CCDC148: variants seen among roughly 807,000 people sequenced by gnomAD.
CCDC148 encodes the protein coiled-coil domain-containing protein 148.
CCDC148 carries 89 observed loss-of-function variants against 85.7 expected under a neutral mutation model. The ratio of observed to expected loss-of-function variants is 1.04; its 90% CI spans 0.87 to 1.24. The LOEUF (loss-of-function observed/expected upper bound fraction) is 1.24. CCDC148 is among the 50% of genes most tolerant of loss of function. The pLI is 0.00. For missense variants in CCDC148, 692 were observed against 671.7 expected, an observed-to-expected ratio of 1.03 and a Z score of -0.33; for synonymous variants, 230 against 213.9, an observed-to-expected ratio of 1.08 and a Z score of -0.66.
chr2:158,207,334 AT>A (rs1353881841), intron 11 of CCDC148: 1 of 152,182 alleles, frequency 6.6e-6, no homozygotes, highest in East Asian at 1.9e-4. Flanking sequence ...ATAAGAAGTG[AT>A]TTTGCTCTGA....
intron 1 of CCDC148, among the ~76,000 whole-genome samples, chr2:158,391,088 T>C (rs920366737): frequency 1.3e-5 from 2 of 152,196 alleles, no homozygotes; most frequent in Admixed American, 1.3e-4. Context: ...TATTACATTC[T>C]AGACACTCTA....
At position 158,189,893 on chromosome 2, in the gene CCDC148, C is replaced by T. The variant is rs79261987; in HGVS notation, c.1371-10897G>A. Reference sequence around the variant, plus strand: ...GAGTGCCTAAAACACAGAAGATATGCACCAATAAATGAAAGAAACATAGAA... The same window carrying T: ...GAGTGCCTAAAACACAGAAGATATGTACCAATAAATGAAAGAAACATAGAA... On this transcript the variant is annotated intron_variant, in intron 11 of 13. Coordinates refer to ENST00000283233, the MANE Select transcript of CCDC148 (RefSeq NM_138803.4). Among the ~76,000 whole-genome samples, 680 of 151,882 alleles carry T rather than the reference C, an allele frequency of 4.5e-3. 30 individuals carry two copies. In the East Asian group the frequency reaches 0.1, roughly 23 times the overall value.
intron 9 of CCDC148, among the ~76,000 whole-genome samples, chr2:158,281,077 G>A (rs954659661): frequency 4.5e-4 from 68 of 152,116 alleles, no homozygotes; most frequent in Middle Eastern, 3.4e-3. Flanking sequence ...CTTTGAAACC[G>A]ACGAGAACAA....
At chr2:158,285,329 G>T (rs532677112) in intron 9 of CCDC148, among the ~76,000 whole-genome samples, 2 of 150,038 alleles carry the variant, frequency 1.3e-5, no homozygotes, top group Non-Finnish European at 3.0e-5. Flanking sequence ...ATTAACGGCA[G>T]ATGAGAAATA....
intron 1 of CCDC148, among the ~76,000 whole-genome samples, chr2:158,381,861 C>T (rs2105288860): frequency 6.6e-6 from 1 of 152,142 alleles, no homozygotes; most frequent in South Asian, 2.1e-4. Context: ...CTACCTGAAA[C>T]AAACAAAAAG....
At chr2:158,405,816 T>C (rs919464926) in intron 1 of CCDC148, among the ~76,000 whole-genome samples, 4 of 152,176 alleles carry the variant, frequency 2.6e-5, no homozygotes, top group African/African-American at 9.7e-5. Flanking sequence ...AGTACATTCA[T>C]TGAATATTGT....
At chr2:158,422,082 T>C (rs553307508) in intron 1 of CCDC148, among the ~76,000 whole-genome samples, 1 of 152,252 alleles carries the variant, frequency 6.6e-6, no homozygotes, top group Admixed American at 6.5e-5. Flanking sequence ...GGCTCTGAAA[T>C]TGAGGCAATA....
chr2:158,227,829 T>C (rs919290561), intron 10 of CCDC148, among the ~76,000 whole-genome samples: 7 of 152,160 alleles, frequency 4.6e-5, no homozygotes, highest in African/African-American at 1.2e-4. Flanking sequence ...AAGACTTAAA[T>C]GTTAGACCTA....
chr2:158,264,271 A>G lies in CCDC148; in HGVS notation c.1111-13359T>C, dbSNP rs538174304. Among the ~76,000 whole-genome samples the G allele has an allele frequency of 3.3e-5, 5 of 152,234 alleles. No individual in the cohort carries two copies. In the South Asian group the frequency reaches 1.0e-3, roughly 32 times the overall value. ...GCTCATTCCTTTCTAGATATAGCACAGAATCAACAACTGATAATTTAAAGA... is the reference window on the plus strand; with the variant it reads ...GCTCATTCCTTTCTAGATATAGCACGGAATCAACAACTGATAATTTAAAGA... On this transcript the variant is annotated intron_variant, in intron 9 of 13. Coordinates refer to ENST00000283233, the MANE Select transcript of CCDC148 (RefSeq NM_138803.4).
At chr2:158,175,380 C>A (rs1684529630) in intron 13 of CCDC148, among the ~76,000 whole-genome samples, 2 of 152,042 alleles carry the variant, frequency 1.3e-5, no homozygotes, top group Non-Finnish European at 2.9e-5. Context: ...GATTTTGCTA[C>A]TGCTTCCAAA....
At chr2:158,401,596 A>G (rs996201384) in intron 1 of CCDC148, among the ~76,000 whole-genome samples, 1 of 151,988 alleles carries the variant, frequency 6.6e-6, no homozygotes, top group Non-Finnish European at 1.5e-5. Flanking sequence ...TAATGTAAAT[A>G]TGAGTTGATG....
intron 1 of CCDC148, among the ~76,000 whole-genome samples, chr2:158,425,929 T>C (rs1687056654): frequency 6.6e-6 from 1 of 152,150 alleles, no homozygotes; most frequent in Non-Finnish European, 1.5e-5. Flanking sequence ...TAATGATTAT[T>C]AGTAACTCCT....
chr2:158,282,271 T>G (rs1574540367), intron 9 of CCDC148, among the ~76,000 whole-genome samples: 1 of 152,308 alleles, frequency 6.6e-6, no homozygotes, highest in East Asian at 1.9e-4. Context: ...TTGGAAGTTC[T>G]GGCCAGGGCA....
At chr2:158,345,883 T>TA (rs1291997648) in intron 2 of CCDC148, among the ~76,000 whole-genome samples, 1 of 152,192 alleles carries the variant, frequency 6.6e-6, no homozygotes, top group African/African-American at 2.4e-5. Context: ...CTTCAACACT[T>TA]ACTAGAAATA....
chr2:158,319,493 A>G (rs1375623520), intron 7 of CCDC148, among the ~76,000 whole-genome samples: 1 of 152,218 alleles, frequency 6.6e-6, no homozygotes, highest in Non-Finnish European at 1.5e-5. Flanking sequence ...GCTTCTGGAC[A>G]TTGTTATGCA....
intron 11 of CCDC148, among the ~76,000 whole-genome samples, chr2:158,203,334 A>T (rs978649005): frequency 5.9e-5 from 9 of 152,180 alleles, no homozygotes; most frequent in African/African-American, 2.2e-4. Context: ...ATAACTTCCT[A>T]AGCAATAAGC....
At chr2:158,399,259 C>T (rs1685667011) in intron 1 of CCDC148, among the ~76,000 whole-genome samples, 1 of 152,138 alleles carries the variant, frequency 6.6e-6, no homozygotes, top group Admixed American at 6.5e-5. Flanking sequence ...AGGGAATCCT[C>T]CCTAACTCAT....
At chr2:158,438,377 T>G (rs1437567176) in intron 1 of CCDC148, among the ~76,000 whole-genome samples, 6 of 151,968 alleles carry the variant, frequency 3.9e-5, no homozygotes, top group South Asian at 2.1e-4. Context: ...AATGGGGAAA[T>G]GATTCCCTAT....
At chr2:158,293,355 T>C (rs1372217678) in intron 9 of CCDC148, among the ~76,000 whole-genome samples, 1 of 152,230 alleles carries the variant, frequency 6.6e-6, no homozygotes, top group Non-Finnish European at 1.5e-5. Context: ...GGTTGCACCA[T>C]ATGATATTGC....
Sources: gnomAD v4.1 joint callset for allele counts (sites outside exome capture counted in the v4.1 genomes callset) on GRCh38, gnomAD v4.1.1 for gene constraint, MANE v1.5 for transcripts, NCBI Gene and HGNC (gene_info 2026-07-23, HGNC 2026-07-21) for gene names.